CSMD1: variants seen among roughly 807,000 people sequenced by gnomAD.
The protein encoded by CSMD1 is CUB and Sushi multiple domains 1, also known as CUB and sushi domain-containing protein 1.
Under a neutral mutation model 417.5 loss-of-function variants are expected in CSMD1, and 213 were observed. The ratio of observed to expected loss-of-function variants is 0.51; its 90% confidence interval spans 0.46 to 0.57. The LOEUF (loss-of-function observed/expected upper bound fraction) is 0.57. Ranked by LOEUF, CSMD1 falls within the 20% of genes least tolerant of loss-of-function variation. The pLI is 0.00. For missense variants in CSMD1, 6,923 were observed against 4,529.7 expected, an observed-to-expected ratio of 1.53 and a Z score of -15.17; for synonymous variants, 2,862 against 1,736.8, an observed-to-expected ratio of 1.65 and a Z score of -16.11.
At chr8:3,688,896 CAA>C (rs1800084853) in intron 7 of CSMD1, among the ~76,000 whole-genome samples, 1 of 151,498 alleles carries the variant, frequency 6.6e-6, no homozygotes. Flanking sequence ...AGATCTCAGA[CAA>C]AGGAGCAAAC....
chr8:4,191,982 C>T (rs59294797), intron 3 of CSMD1, among the ~76,000 whole-genome samples: 1 of 152,118 alleles, frequency 6.6e-6, no homozygotes, highest in East Asian at 1.9e-4. Context: ...AGGAACACGT[C>T]CCTAAGGATT....
At position 4,685,905 on chromosome 8, in the gene CSMD1, G is replaced by T. The variant is rs1243413131; in HGVS notation, c.86-48347C>A. 3.3e-5 allele frequency among the ~76,000 whole-genome samples: 5 copies of T among 152,298 alleles called. No individual in the cohort carries two copies. In the East Asian group the frequency reaches 7.7e-4, roughly 24 times the overall value. Reference sequence around the variant, plus strand: ...CCATGGCCACCTTGATTCTCAAAATGAACTCTATGAAGAAACTTACTGGAT... The same window carrying T: ...CCATGGCCACCTTGATTCTCAAAATTAACTCTATGAAGAAACTTACTGGAT... On this transcript the variant is annotated intron_variant, in intron 1 of 69. Transcript: ENST00000635120.
At chr8:4,029,886 G>A (rs1030810279) in intron 4 of CSMD1, among the ~76,000 whole-genome samples, 8 of 146,912 alleles carry the variant, frequency 5.4e-5, no homozygotes, top group African/African-American at 1.8e-4. Context: ...TTCAAAAATG[G>A]GAGAAATTGG....
intron 3 of CSMD1, among the ~76,000 whole-genome samples, chr8:4,408,161 C>G (rs190979574): frequency 6.6e-6 from 1 of 152,302 alleles, no homozygotes; most frequent in East Asian, 1.9e-4. Context: ...TAAATGACTA[C>G]CAAAGCTTAG....
At chr8:3,496,315 G>A (rs951108820) in intron 10 of CSMD1, among the ~76,000 whole-genome samples, 2 of 152,106 alleles carry the variant, frequency 1.3e-5, no homozygotes, top group African/African-American at 2.4e-5. Context: ...GTTTTGGTTG[G>A]TTTGCTGTTC....
At chr8:4,961,200 T>G (rs1016987142) in intron 1 of CSMD1, among the ~76,000 whole-genome samples, 5 of 152,230 alleles carry the variant, frequency 3.3e-5, no homozygotes, top group African/African-American at 1.2e-4. Context: ...GAATGCATAG[T>G]ATTCTGTGTA....
intron 3 of CSMD1, among the ~76,000 whole-genome samples, chr8:4,045,065 T>A (rs2740901): frequency 6.6e-6 from 1 of 152,014 alleles, no homozygotes; most frequent in Non-Finnish European, 1.5e-5. Flanking sequence ...GCCTTGTGCC[T>A]GAGGTATGGT....
chr8:4,037,653 T>C (rs907519286), intron 3 of CSMD1, among the ~76,000 whole-genome samples: 2 of 152,082 alleles, frequency 1.3e-5, no homozygotes, highest in African/African-American at 2.4e-5. Context: ...CTACTGAAAA[T>C]GTTTTCCCAT....
chr8:3,691,373 A>C (rs7002750), intron 7 of CSMD1, among the ~76,000 whole-genome samples: 47,054 of 151,838 alleles, frequency 0.31, 7,932 homozygotes, highest in South Asian at 0.41. Context: ...TCTCAAAAAA[A>C]AAAACAAAAC....
intron 2 of CSMD1, among the ~76,000 whole-genome samples, chr8:4,503,009 A>C (rs1802336155): frequency 6.6e-6 from 1 of 152,232 alleles, no homozygotes. Context: ...GGAAATAAAA[A>C]AAGCTATCAT....
intron 5 of CSMD1, among the ~76,000 whole-genome samples, chr8:3,992,484 T>C (rs946547901): frequency 6.6e-6 from 1 of 152,214 alleles, no homozygotes; most frequent in African/African-American, 2.4e-5. Flanking sequence ...TGAATCCAAA[T>C]TTAAGATAGA....
intron 33 of CSMD1, among the ~76,000 whole-genome samples, chr8:3,194,663 T>A (rs958963228): frequency 1.3e-4 from 19 of 150,798 alleles, no homozygotes; most frequent in Non-Finnish European, 1.5e-5. Flanking sequence ...AGAGATGGGA[T>A]TTCGCCATGT....
At chr8:3,829,261 G>A (rs927748341) in intron 5 of CSMD1, among the ~76,000 whole-genome samples, 11 of 152,058 alleles carry the variant, frequency 7.2e-5, no homozygotes, top group Non-Finnish European at 1.2e-4. Context: ...TCCCACATAT[G>A]AGTGAGAAAA....
intron 2 of CSMD1, among the ~76,000 whole-genome samples, chr8:4,622,989 C>G (rs926969318): frequency 6.6e-6 from 1 of 151,746 alleles, no homozygotes; most frequent in Non-Finnish European, 1.5e-5. Context: ...TCAGGAAACA[C>G]AAAAGAAAAA....
chr8:3,739,514 C>A (rs1035287193), intron 6 of CSMD1, among the ~76,000 whole-genome samples: 4 of 151,996 alleles, frequency 2.6e-5, no homozygotes, highest in African/African-American at 9.7e-5. Context: ...CTGTATTCCA[C>A]AAATATGTAT....
intron 12 of CSMD1, among the ~76,000 whole-genome samples, chr8:3,437,343 T>G (rs1814629097): frequency 6.6e-6 from 1 of 152,202 alleles, no homozygotes; most frequent in African/African-American, 2.4e-5. Flanking sequence ...ACTCGGGAAA[T>G]CTTATCTATG....
At chr8:4,502,295 G>C (rs1329189512) in intron 2 of CSMD1, among the ~76,000 whole-genome samples, 2 of 152,030 alleles carry the variant, frequency 1.3e-5, no homozygotes, top group East Asian at 3.9e-4. Flanking sequence ...ATTCTCCGAG[G>C]CTCAGTCTTT....
At chr8:4,941,863 G>A (rs1261748453) in intron 1 of CSMD1, among the ~76,000 whole-genome samples, 2 of 152,140 alleles carry the variant, frequency 1.3e-5, no homozygotes, top group Non-Finnish European at 2.9e-5. Context: ...GCCTACCAAA[G>A]TGCTAGGATT....
chr8:3,039,312 C>T lies in CSMD1; in HGVS notation c.7661-9799G>A, dbSNP rs184338870. On this transcript the variant is annotated intron_variant, in intron 50 of 69. Transcript: ENST00000635120. ...TTCCTTACTTCCTTCCTCTCTCCCT[C>T]CCTTCCTTCTTTTCCTTTCTTTCTT... 1.6e-3 allele frequency among the ~76,000 whole-genome samples: 247 copies of T among 151,276 alleles called. 1 individual carries two copies. The highest frequency in any genetic ancestry group is 5.5e-3 in the African/African-American group (225 of 41,066).
Sources: gnomAD v4.1 joint callset for allele counts (sites outside exome capture counted in the v4.1 genomes callset) on GRCh38, gnomAD v4.1.1 for gene constraint, MANE v1.5 for transcripts, NCBI Gene and HGNC (gene_info 2026-07-23, HGNC 2026-07-21) for gene names.